The following PKD1L1 variants were observed in gnomAD, a reference collection of about 807,000 sequenced individuals.
The protein encoded by PKD1L1 is polycystin-1-like protein 1.
PKD1L1 carries 236 observed loss-of-function variants against 323.4 expected under a neutral mutation model. The ratio of observed to expected loss-of-function variants is 0.73; its 90% CI spans 0.66 to 0.81. The LOEUF is 0.81. Ranked by LOEUF, PKD1L1 falls within the 40% of genes least tolerant of loss-of-function variation. PKD1L1 has a pLI of 0.00. For synonymous variants in PKD1L1, 1,344 were observed against 1,335.0 expected, an observed-to-expected ratio of 1.01 and a Z score of -0.15; for missense variants, 3,320 against 3,508.0, an observed-to-expected ratio of 0.95 and a Z score of 1.35.
chr7:47,824,955 T>A (rs1397860867), intron 45 of PKD1L1, among the ~76,000 whole-genome samples: 1 of 152,248 alleles, frequency 6.6e-6, no homozygotes, highest in Non-Finnish European at 1.5e-5. Flanking sequence ...AGAGTGATTG[T>A]AAAAAGTGTG....
At chr7:47,791,760 G>C (rs1273751640) in intron 56 of PKD1L1, among the ~76,000 whole-genome samples, 1 of 152,170 alleles carries the variant, frequency 6.6e-6, no homozygotes, top group Admixed American at 6.5e-5. Flanking sequence ...GGTACTTCAT[G>C]TTCTCCTCTG....
chr7:47,871,522 A>G (rs192376314), intron 24 of PKD1L1, among the ~76,000 whole-genome samples: 136 of 152,272 alleles, frequency 8.9e-4, no homozygotes, highest in African/African-American at 3.2e-3. Context: ...GACTAATTTC[A>G]TTTATGAGAG....
At chr7:47,925,907 T>C (rs1462370950) in intron 7 of PKD1L1, among the ~76,000 whole-genome samples, 3 of 139,606 alleles carry the variant, frequency 2.1e-5, no homozygotes, top group Non-Finnish European at 4.5e-5. Context: ...AAAATATCCC[T>C]TTTATAATAA....
chr7:47,859,865 T>C (rs1346944909), intron 26 of PKD1L1, among the ~76,000 whole-genome samples: 1 of 152,046 alleles, frequency 6.6e-6, no homozygotes, highest in Non-Finnish European at 1.5e-5. Flanking sequence ...CCAGACCTCA[T>C]GATCCACCCG....
chr7:47,820,732 G>GAA (rs11421124), intron 46 of PKD1L1, among the ~76,000 whole-genome samples: 98 of 147,856 alleles, frequency 6.6e-4, no homozygotes, highest in African/African-American at 7.0e-4. Context: ...TCTCAAAAAG[G>GAA]AAAAAAAAAA....
chr7:47,831,165 C>G, intron 42 of PKD1L1, 52 bp downstream of exon 42: 3 of 1,568,448 alleles, frequency 1.9e-6, no homozygotes, highest in Non-Finnish European at 2.6e-6. Flanking sequence ...TTTACAAATG[C>G]GAGACTTTCC....
chr7:47,926,523 C>A (rs1193178735), intron 7 of PKD1L1, among the ~76,000 whole-genome samples: 4 of 152,170 alleles, frequency 2.6e-5, no homozygotes, highest in Non-Finnish European at 5.9e-5. Context: ...GTGCCTCAGA[C>A]CATGGTCACT....
the PKD1L1 span, among the ~76,000 whole-genome samples, chr7:47,953,886 G>A: frequency 6.6e-6 from 1 of 152,208 alleles, no homozygotes; most frequent in Non-Finnish European, 1.5e-5. Context: ...CCTCCACTCT[G>A]TTCTGGTTCT....
chr7:47,870,661 T>C (rs188807297), intron 24 of PKD1L1, among the ~76,000 whole-genome samples: 350 of 152,308 alleles, frequency 2.3e-3, no homozygotes, highest in Non-Finnish European at 1.9e-3. Flanking sequence ...TAAATGTTTA[T>C]AGAAGAATCA....
intron 7 of PKD1L1, among the ~76,000 whole-genome samples, chr7:47,924,528 A>G (rs1483940873): frequency 6.6e-6 from 1 of 152,238 alleles, no homozygotes; most frequent in Non-Finnish European, 1.5e-5. Context: ...TAGACAACCT[A>G]TAGAAACACA....
intron 4 of PKD1L1, among the ~76,000 whole-genome samples, chr7:47,933,309 G>A (rs545125633): frequency 2.5e-4 from 38 of 152,214 alleles, no homozygotes; most frequent in African/African-American, 7.9e-4. Flanking sequence ...GTAAACCAAC[G>A]AGAATTCCTG....
chr7:47,846,748 T>C (rs998837433), intron 32 of PKD1L1, 131 bp downstream of exon 32: 2 of 775,194 alleles, frequency 2.6e-6, no homozygotes, highest in African/African-American at 1.8e-5. Flanking sequence ...GGCTGGAGAG[T>C]TGTACAAACC....
At chr7:47,902,606 T>C (rs1787117480) in intron 12 of PKD1L1, 95 bp from the exon 13 acceptor site, 3 of 1,418,718 alleles carry the variant, frequency 2.1e-6, no homozygotes, top group Non-Finnish European at 2.9e-6. Flanking sequence ...TGCAGAATTA[T>C]AGTATTTGAC....
At chr7:47,776,535 C>T (rs894923290) in intron 56 of PKD1L1, among the ~76,000 whole-genome samples, 2 of 152,180 alleles carry the variant, frequency 1.3e-5, no homozygotes, top group Non-Finnish European at 2.9e-5. Flanking sequence ...CCTGTTTGCT[C>T]ATTTGCTTTT....
intron 15 of PKD1L1, among the ~76,000 whole-genome samples, chr7:47,892,327 CAAGCTGGGT>C: frequency 6.6e-6 from 1 of 152,244 alleles, no homozygotes; most frequent in South Asian, 2.1e-4. Context: ...GAGAGAGATG[CAAGCTGGGT>C]AAGTCCAAGG....
the PKD1L1 span, among the ~76,000 whole-genome samples, chr7:47,960,514 G>A: frequency 6.8e-6 from 1 of 147,764 alleles, no homozygotes; most frequent in African/African-American, 2.5e-5. Context: ...AGAAATTAAC[G>A]TAAAATCAAG....
intron 15 of PKD1L1, among the ~76,000 whole-genome samples, chr7:47,891,359 G>T (rs2128748837): frequency 6.6e-6 from 1 of 152,302 alleles, no homozygotes; most frequent in South Asian, 2.1e-4. Context: ...GGTCAAGCAG[G>T]AAGATGTCTT....
chr7:47,939,783 C>T (rs972412605), intron 3 of PKD1L1, among the ~76,000 whole-genome samples: 1 of 151,376 alleles, frequency 6.6e-6, no homozygotes, highest in Non-Finnish European at 1.5e-5. Context: ...ACCTGGGGGA[C>T]AGCACCCACT....
At chr7:47,945,916 G>A (rs1253379403) in intron 1 of PKD1L1, among the ~76,000 whole-genome samples, 1 of 152,204 alleles carries the variant, frequency 6.6e-6, no homozygotes, top group Admixed American at 6.5e-5. Flanking sequence ...GTCTCAGAAG[G>A]TGAGAAACAC....
Sources: allele counts gnomAD v4.1 joint callset (sites outside exome capture counted in the v4.1 genomes callset), GRCh38; gene constraint gnomAD v4.1.1; transcripts MANE v1.5; gene names NCBI Gene and HGNC (gene_info 2026-07-23, HGNC 2026-07-21).